The following ALDH18A1 variants were observed in gnomAD, a reference collection of about 807,000 sequenced individuals.
The protein encoded by ALDH18A1 is aldehyde dehydrogenase 18 family member A1.
Under a neutral mutation model 88.8 loss-of-function variants are expected in ALDH18A1, and 44 were observed. The ratio of observed to expected loss-of-function variants is 0.50; its 90% confidence interval spans 0.39 to 0.64. ALDH18A1 has a LOEUF of 0.64. Among genes scored for constraint, ALDH18A1 ranks in the 30% least tolerant of loss-of-function variants. The probability of loss-of-function intolerance (pLI) is 0.00; values close to 1 mark genes in which losing one functional copy is unlikely to be tolerated. For missense variants in ALDH18A1, 782 were observed against 1,009.5 expected, an observed-to-expected ratio of 0.77 and a Z score of 3.05; for synonymous variants, 331 against 372.1, an observed-to-expected ratio of 0.89 and a Z score of 1.27.
At chr10:95,617,232 G>A (rs147733523) in intron 12 of ALDH18A1, among the ~76,000 whole-genome samples, 1 of 152,344 alleles carries the variant, frequency 6.6e-6, no homozygotes, top group East Asian at 1.9e-4. Flanking sequence ...GGGCAACAGA[G>A]TGAGACTCCG....
chr10:95,645,910 G>T (rs1216677570), intron 2 of ALDH18A1, among the ~76,000 whole-genome samples: 1 of 152,094 alleles, frequency 6.6e-6, no homozygotes, highest in Non-Finnish European at 1.5e-5. Context: ...TAATAATATA[G>T]GTACCCTACT....
At chr10:95,617,306 C>T (rs1179947225) in intron 12 of ALDH18A1, among the ~76,000 whole-genome samples, 2 of 152,244 alleles carry the variant, frequency 1.3e-5, no homozygotes, top group East Asian at 1.9e-4. Context: ...TGGCACCCCC[C>T]ACCGTGGAGA....
Position 95,637,138 on chromosome 10 carries a change from G to A in ALDH18A1, c.513C>T (p.Ala171=). The A allele has an allele frequency of 2.5e-6, 4 of 1,614,172 alleles. 1 individual carries two copies. Among genetic ancestry groups the A allele is most frequent in the Non-Finnish European group, 3.4e-6 (4 of 1,180,042 alleles). Reference sequence around the variant, plus strand: ...ACTGGGTAAACATAGCCTCATACAAGGCCATCAGCCCACTCTGTCCGGCAG... The same window carrying A: ...ACTGGGTAAACATAGCCTCATACAAAGCCATCAGCCCACTCTGTCCGGCAG... ...CAAAGQSGLM[A]LYEAMFTQYS... The change falls in exon 5 of 18, where the codon GCC becomes GCT. Residue 171 remains alanine (A), a synonymous_variant. Transcript: ENST00000371224.
intron 11 of ALDH18A1, among the ~76,000 whole-genome samples, chr10:95,622,199 T>C (rs989297535): frequency 6.6e-6 from 1 of 152,194 alleles, no homozygotes; most frequent in Non-Finnish European, 1.5e-5. Flanking sequence ...GAAAACTTTT[T>C]TCCTTTTTTT....
chr10:95,610,454 C>A (rs1052752911), intron 16 of ALDH18A1, among the ~76,000 whole-genome samples, 162 bp from the exon 17 acceptor site: 2 of 152,206 alleles, frequency 1.3e-5, no homozygotes, highest in African/African-American at 2.4e-5. Flanking sequence ...AAAATCTCAA[C>A]AGGAAGAAGA....
intron 13 of ALDH18A1, among the ~76,000 whole-genome samples, chr10:95,615,969 G>A (rs2097843521): frequency 6.6e-6 from 1 of 152,102 alleles, no homozygotes; most frequent in African/African-American, 2.4e-5. Context: ...CACATAGTAG[G>A]TACTCAACAA....
rs145128307 is a variant in ALDH18A1 at position 95,641,045 on chromosome 10, C to T, written c.303+1947G>A. On this transcript the variant is annotated intron_variant, in intron 3 of 17. Coordinates refer to ENST00000371224, the MANE Select transcript of ALDH18A1 (RefSeq NM_002860.4). ...ATACTCATTCCTGCCTGTCCTCTAC[C>T]TGGAATACACTCCTAGAGCCTGTCC... Among the ~76,000 whole-genome samples the T allele has an allele frequency of 4.4e-3, 664 of 152,306 alleles. 2 individuals are homozygous for T. Among genetic ancestry groups the T allele is most frequent in the Middle Eastern group, 0.02 (6 of 294 alleles).
chr10:95,649,546 G>A (rs767703254), intron 2 of ALDH18A1, among the ~76,000 whole-genome samples: 4 of 151,658 alleles, frequency 2.6e-5, no homozygotes, highest in South Asian at 2.1e-4. Context: ...TAGTACAGAC[G>A]GGGTTTCACT....
intron 2 of ALDH18A1, among the ~76,000 whole-genome samples, chr10:95,652,222 G>C (rs2097911466): frequency 6.6e-6 from 1 of 152,200 alleles, no homozygotes; most frequent in South Asian, 2.1e-4. Flanking sequence ...TAGTAATAGG[G>C]AAGAGGACAG....
chr10:95,647,427 T>C (rs1427894393), intron 2 of ALDH18A1, among the ~76,000 whole-genome samples: 1 of 152,242 alleles, frequency 6.6e-6, no homozygotes. Flanking sequence ...AAATACTCAA[T>C]GAATATTAAC....
At chr10:95,642,884 C>T in intron 3 of ALDH18A1, 108 bp downstream of exon 3, 1 of 1,200,018 alleles carries the variant, frequency 8.3e-7, no homozygotes. Context: ...ATCTACTGCA[C>T]TGAAATCACA....
At chr10:95,634,014 C>T (rs1262476727) in intron 5 of ALDH18A1, among the ~76,000 whole-genome samples, 1 of 151,870 alleles carries the variant, frequency 6.6e-6, no homozygotes, top group Admixed American at 6.6e-5. Flanking sequence ...GCCATGTTGG[C>T]CAGGCTGGTC....
At position 95,620,369 on chromosome 10, in the gene ALDH18A1, T is replaced by C. The variant is rs148561349; in HGVS notation, c.1467+662A>G. ...CTAGTTCAACCATTGTGGAAGACAGTGTGGCAATTCCTCAAGGATCTAGAA... is the reference window on the plus strand; with the variant it reads ...CTAGTTCAACCATTGTGGAAGACAGCGTGGCAATTCCTCAAGGATCTAGAA... On this transcript the variant is annotated intron_variant, in intron 12 of 17. Transcript: ENST00000371224. Among the ~76,000 whole-genome samples, 463 of 152,326 alleles carry C rather than the reference T, an allele frequency of 3.0e-3. 12 individuals are homozygous for C. Among genetic ancestry groups the C allele is most frequent in the East Asian group, 0.03 (155 of 5,180 alleles).
intron 17 of ALDH18A1, among the ~76,000 whole-genome samples, chr10:95,607,567 T>C (rs911013805): frequency 6.6e-6 from 1 of 152,140 alleles, no homozygotes; most frequent in African/African-American, 2.4e-5. Context: ...GCATGTACTA[T>C]GTACTAGGCA....
chr10:95,633,713 A>G lies in ALDH18A1; in HGVS notation c.559-64T>C, dbSNP rs553073575. ...AAAACGCTAAACTTCCCAGTATACAAAAGACGCTAAGAGCAGGGGAGTTAA... is the reference window on the plus strand; with the variant it reads ...AAAACGCTAAACTTCCCAGTATACAGAAGACGCTAAGAGCAGGGGAGTTAA... On this transcript the variant is annotated intron_variant, in intron 5 of 17. Coordinates refer to ENST00000371224, the MANE Select transcript of ALDH18A1 (RefSeq NM_002860.4). 3 of 1,576,888 alleles carry G rather than the reference A, an allele frequency of 1.9e-6. No homozygotes were observed. The East Asian group carries it at 6.8e-5, about 36-fold the overall frequency.
At chr10:95,641,146 CT>C (rs1222231300) in intron 3 of ALDH18A1, among the ~76,000 whole-genome samples, 3 of 152,134 alleles carry the variant, frequency 2.0e-5, no homozygotes, top group African/African-American at 7.2e-5. Flanking sequence ...AACTTTTCCC[CT>C]CTGTTTGTGC....
Position 95,616,540 on chromosome 10 carries a change from C to T in ALDH18A1, c.1542G>A (p.Arg514=), listed in dbSNP as rs777553274. 22 of 1,591,628 alleles carry T rather than the reference C, an allele frequency of 1.4e-5. No homozygotes were observed. Among genetic ancestry groups the T allele is most frequent in the Non-Finnish European group, 1.9e-5 (22 of 1,168,428 alleles). ...KGGKEAAHSN[R]ILHLLTQEAL... The stretch of plus-strand genomic sequence containing the variant: ...CCTCCTGGGTCAGGAGGTGGAGAAT[C>T]CGGTTGCTGTGTGCAGCCTCCTTCC... The change falls in exon 13 of 18, where the codon CGG becomes CGA. Residue 514 remains arginine (R), a synonymous_variant. Coordinates refer to ENST00000371224, the MANE Select transcript of ALDH18A1 (RefSeq NM_002860.4).
In ALDH18A1 at chr10:95,627,438, T is replaced by C. The variant is rs1566018543; in HGVS notation, c.1078+4A>G. 6.2e-7 allele frequency: 1 copy of C among 1,614,104 alleles called. No individual in the cohort carries two copies. The highest frequency in any genetic ancestry group is 8.5e-7 in the Non-Finnish European group (1 of 1,179,954). ...GCCTTGGGACCTTATGAAGAACTATTTACCTGCAGGCTTTACTTCTGAAAA... is the reference window on the plus strand; with the variant it reads ...GCCTTGGGACCTTATGAAGAACTATCTACCTGCAGGCTTTACTTCTGAAAA... On this transcript the variant is annotated splice_donor_region_variant and intron_variant, in intron 9 of 17. Transcript: ENST00000371224.
In ALDH18A1 at chr10:95,606,637, C is replaced by T; in HGVS notation, c.*125G>A. On this transcript the variant is annotated 3_prime_UTR_variant, in exon 18 of 18. Coordinates refer to ENST00000371224, the MANE Select transcript of ALDH18A1 (RefSeq NM_002860.4). ...ATTGCCAAACGGAGCCCAGAAGCAT[C>T]CAGGTACACTTTCCAACAGGCAGAC... The T allele has an allele frequency of 6.2e-7, 1 of 1,604,964 alleles. No homozygotes were observed. Among genetic ancestry groups the T allele is most frequent in the Non-Finnish European group, 8.5e-7 (1 of 1,178,068 alleles).
Sources: gnomAD v4.1 joint callset for allele counts (sites outside exome capture counted in the v4.1 genomes callset) on GRCh38, gnomAD v4.1.1 for gene constraint, MANE v1.5 for transcripts, NCBI Gene and HGNC (gene_info 2026-07-23, HGNC 2026-07-21) for gene names.